The following IMMP2L variants were observed in gnomAD, a reference collection of about 807,000 sequenced individuals.
IMMP2L encodes the protein inner mitochondrial membrane peptidase subunit 2.
IMMP2L carries 18 observed loss-of-function variants against 19.3 expected under a neutral mutation model. The observed-to-expected ratio is 0.93, with a 90% CI of 0.64 to 1.38. The LOEUF is 1.38. IMMP2L is among the 40% of genes most tolerant of loss of function. The pLI is 0.00. For missense variants in IMMP2L, 233 were observed against 218.2 expected (o/e 1.07, Z -0.43); for synonymous variants, 76 against 73.0 (o/e 1.04, Z -0.21).
intron 4 of IMMP2L, among the ~76,000 whole-genome samples, chr7:110,894,254 T>C (rs1449451065): frequency 6.6e-6 from 1 of 152,140 alleles, no homozygotes; most frequent in Non-Finnish European, 1.5e-5. Context: ...GGAGTAAAGT[T>C]ACTTTCTATC....
rs750629592 is a variant in IMMP2L, at chr7:111,510,733, CTGCCT to C, written c.135+10575_135+10579del. Among the ~76,000 whole-genome samples, 18 of 152,272 alleles carry C rather than the reference CTGCCT, an allele frequency of 1.2e-4. No individual in the cohort carries two copies. In the East Asian group the frequency reaches 2.1e-3, roughly 18 times the overall value. On this transcript the variant is annotated intron_variant, in intron 2 of 5. Transcript: ENST00000405709. Reference sequence around the variant, plus strand: ...CCAGTCCTAAACTGTTCATTCTGCCCTGCCTTGCCTTGCCTTGCCTGCACAGAAAC... The same window carrying C: ...CCAGTCCTAAACTGTTCATTCTGCCCTGCCTTGCCTTGCCTGCACAGAAAC...
chr7:111,364,422 A>AT (rs1761734516), intron 3 of IMMP2L, among the ~76,000 whole-genome samples: 1 of 152,014 alleles, frequency 6.6e-6, no homozygotes, highest in African/African-American at 2.4e-5. Flanking sequence ...CTTTGGTGAA[A>AT]TTACATAATG....
intron 3 of IMMP2L, among the ~76,000 whole-genome samples, chr7:111,206,583 A>G (rs1357352696): frequency 1.3e-5 from 2 of 152,168 alleles, no homozygotes; most frequent in East Asian, 1.9e-4. Flanking sequence ...ACAATATACA[A>G]TGTATCAAAA....
chr7:110,777,453 C>T (rs1799465029), intron 5 of IMMP2L, among the ~76,000 whole-genome samples: 1 of 151,866 alleles, frequency 6.6e-6, no homozygotes, highest in African/African-American at 2.4e-5. Context: ...AATATTTTTC[C>T]CTACAACCTA....
chr7:111,016,884 TATATATA>T (rs1244591245), intron 3 of IMMP2L, among the ~76,000 whole-genome samples: 1 of 89,456 alleles, frequency 1.1e-5, no homozygotes, highest in Non-Finnish European at 2.0e-5. Flanking sequence ...TAATATATAT[TATATATA>T]ATATATATTA....
chr7:110,980,279 G>A (rs1005083420), intron 3 of IMMP2L, among the ~76,000 whole-genome samples: 1 of 138,092 alleles, frequency 7.2e-6, no homozygotes, highest in Non-Finnish European at 1.5e-5. Context: ...CCAGGCTGGA[G>A]TGCAGTGGAG....
In IMMP2L at chr7:110,677,223, C is replaced by T. The variant is rs1473570766; in HGVS notation, c.409-13502G>A. Among the ~76,000 whole-genome samples, 3 of 151,936 alleles carry T rather than the reference C, an allele frequency of 2.0e-5. No homozygotes were observed. In the East Asian group the frequency reaches 5.8e-4, roughly 29 times the overall value. ...CTTGTGGATGCCAGCGAAACAGATGCATGGTTTAAGTAAATCAAACAGAAT... is the reference window on the plus strand; with the variant it reads ...CTTGTGGATGCCAGCGAAACAGATGTATGGTTTAAGTAAATCAAACAGAAT... On this transcript the variant is annotated intron_variant, in intron 5 of 5. Transcript: ENST00000405709.
At chr7:110,937,841 T>C (rs1448636451) in intron 4 of IMMP2L, among the ~76,000 whole-genome samples, 1 of 152,206 alleles carries the variant, frequency 6.6e-6, no homozygotes. Flanking sequence ...GAATCTTGTC[T>C]CAGTTTCAAC....
intron 5 of IMMP2L, among the ~76,000 whole-genome samples, chr7:110,737,039 G>A (rs529996869): frequency 6.6e-6 from 1 of 152,134 alleles, no homozygotes; most frequent in Non-Finnish European, 1.5e-5. Flanking sequence ...GAAATTGAGG[G>A]TTTAAGATGG....
At chr7:111,083,632 G>A (rs902793818) in intron 3 of IMMP2L, among the ~76,000 whole-genome samples, 15 of 152,196 alleles carry the variant, frequency 9.9e-5, no homozygotes, top group East Asian at 3.9e-4. Flanking sequence ...CGTGACAACT[G>A]TAGAAGTTCA....
intron 4 of IMMP2L, among the ~76,000 whole-genome samples, chr7:110,945,928 G>A (rs1276394717): frequency 2.0e-5 from 3 of 152,120 alleles, no homozygotes; most frequent in African/African-American, 7.2e-5. Context: ...GACAGTGGCA[G>A]CTCACTTGAA....
chr7:111,019,226 G>A (rs1313951161), intron 3 of IMMP2L, among the ~76,000 whole-genome samples: 4 of 152,156 alleles, frequency 2.6e-5, no homozygotes, highest in Non-Finnish European at 4.4e-5. Context: ...AAAAACTGAC[G>A]AGGGAGGAGG....
At chr7:111,026,553 T>G (rs1826845853) in intron 3 of IMMP2L, among the ~76,000 whole-genome samples, 2 of 152,112 alleles carry the variant, frequency 1.3e-5, no homozygotes, top group African/African-American at 2.4e-5. Context: ...TGGGCGACTT[T>G]CCATTTACAT....
chr7:110,795,219 G>A (rs954232561), intron 5 of IMMP2L, among the ~76,000 whole-genome samples: 1 of 151,074 alleles, frequency 6.6e-6, no homozygotes, highest in Non-Finnish European at 1.5e-5. Flanking sequence ...TTTTCTATTT[G>A]GACCCCAGCC....
chr7:111,225,400 C>T (rs977640060), intron 3 of IMMP2L, among the ~76,000 whole-genome samples: 6 of 151,882 alleles, frequency 4.0e-5, no homozygotes, highest in Non-Finnish European at 8.8e-5. Context: ...AATGCATAAA[C>T]ATTTGGAAGA....
At chr7:110,718,221 C>T (rs780777432) in intron 5 of IMMP2L, among the ~76,000 whole-genome samples, 4 of 152,156 alleles carry the variant, frequency 2.6e-5, no homozygotes, top group Non-Finnish European at 5.9e-5. Flanking sequence ...AGAGGAAATA[C>T]AGGCATGATT....
At chr7:111,373,080 G>A in intron 3 of IMMP2L, among the ~76,000 whole-genome samples, 1 of 149,374 alleles carries the variant, frequency 6.7e-6, no homozygotes, top group African/African-American at 2.5e-5. Flanking sequence ...TGAGGATTAA[G>A]AAACTTTCCC....
At chr7:110,800,572 T>C (rs1801172549) in intron 5 of IMMP2L, among the ~76,000 whole-genome samples, 1 of 152,106 alleles carries the variant, frequency 6.6e-6, no homozygotes, top group Non-Finnish European at 1.5e-5. Flanking sequence ...GGAATCATAG[T>C]TTCTTCCCAA....
At chr7:111,044,880 T>C (rs940081334) in intron 3 of IMMP2L, among the ~76,000 whole-genome samples, 5 of 152,324 alleles carry the variant, frequency 3.3e-5, no homozygotes, top group South Asian at 4.1e-4. Context: ...GACTATTTGA[T>C]TATAATTTAT....
Sources: allele counts gnomAD v4.1 joint callset (sites outside exome capture counted in the v4.1 genomes callset), GRCh38; gene constraint gnomAD v4.1.1; transcripts MANE v1.5; gene names NCBI Gene and HGNC (gene_info 2026-07-23, HGNC 2026-07-21).